Variants in PCDH11Y observed in about 807,000 individuals in gnomAD.
The protein encoded by PCDH11Y is protocadherin 11 Y-linked.
For synonymous variants in PCDH11Y, 9 were observed against 83.6 expected, an observed-to-expected ratio of 0.11 and a Z score of 4.87; for missense variants, 12 against 224.8, an observed-to-expected ratio of 0.05 and a Z score of 6.05.
intron 3 of PCDH11Y, among the ~76,000 whole-genome samples, chrY:5,555,691 G>A: frequency 3.1e-5 from 1 of 32,565 alleles, no homozygotes; most frequent in African/African-American, 1.2e-4. Context: ...TGATTGTGAG[G>A]CTTCCCCAGC....
At chrY:5,253,893 G>A (rs2053007000) in intron 2 of PCDH11Y, among the ~76,000 whole-genome samples, 27 of 33,100 alleles carry the variant, frequency 8.2e-4, no homozygotes, top group African/African-American at 3.2e-3. Flanking sequence ...TTATATGCTC[G>A]AATCCTTCTC....
intron 2 of PCDH11Y, among the ~76,000 whole-genome samples, chrY:5,357,981 G>C: frequency 3.0e-5 from 1 of 33,235 alleles, no homozygotes; most frequent in Non-Finnish European, 7.4e-5. Context: ...TTGTTGCCCA[G>C]GCTGGAGTGC....
At chrY:5,577,061 AT>A (rs2053446881) in intron 3 of PCDH11Y, among the ~76,000 whole-genome samples, 1 of 33,056 alleles carries the variant, frequency 3.0e-5, no homozygotes, top group Non-Finnish European at 7.5e-5. Context: ...TCTTGATGTC[AT>A]TCTTCATGTG....
At chrY:5,446,845 A>G in intron 2 of PCDH11Y, among the ~76,000 whole-genome samples, 1 of 33,554 alleles carries the variant, frequency 3.0e-5, no homozygotes, top group Admixed American at 2.7e-4. Context: ...TGACCAATCA[A>G]TCTTGAAATG....
intron 4 of PCDH11Y, among the ~76,000 whole-genome samples, chrY:5,603,029 T>C: frequency 3.8e-5 from 1 of 26,050 alleles, no homozygotes; most frequent in African/African-American, 1.5e-4. Flanking sequence ...TATAATTATA[T>C]AATAATAATA....
chrY:5,447,381 A>C (rs2053288556), intron 2 of PCDH11Y, among the ~76,000 whole-genome samples: 3 of 30,986 alleles, frequency 9.7e-5, no homozygotes, highest in Non-Finnish European at 2.3e-4. Context: ...GTTGTTGTGA[A>C]GTTTAAATGG....
chrY:5,228,373 C>A, intron 2 of PCDH11Y, among the ~76,000 whole-genome samples: 2 of 31,303 alleles, frequency 6.4e-5, no homozygotes, highest in African/African-American at 1.2e-4. Flanking sequence ...TTTTAAAAAA[C>A]CAGCATTTTT....
chrY:5,581,024 G>T (rs2053450547), intron 3 of PCDH11Y, among the ~76,000 whole-genome samples: 1 of 32,113 alleles, frequency 3.1e-5, no homozygotes, highest in Non-Finnish European at 7.7e-5. Flanking sequence ...TACATATTTG[G>T]GTGTTTATAA....
upstream of PCDH11Y, among the ~76,000 whole-genome samples, chrY:5,055,745 A>C: frequency 3.1e-5 from 1 of 32,764 alleles, no homozygotes; most frequent in Non-Finnish European, 7.6e-5. Context: ...TCCCTCATTG[A>C]ATTTTGTCAG....
intron 2 of PCDH11Y, among the ~76,000 whole-genome samples, chrY:5,144,567 G>C: frequency 3.0e-5 from 1 of 33,207 alleles, no homozygotes; most frequent in African/African-American, 1.2e-4. Context: ...AGCTTCCAAT[G>C]ATGGTTCATC....
At chrY:5,692,146 T>A in intron 4 of PCDH11Y, among the ~76,000 whole-genome samples, 1 of 33,286 alleles carries the variant, frequency 3.0e-5, no homozygotes, top group African/African-American at 1.2e-4. Context: ...TCAGAAAAGA[T>A]CTGAATGCAA....
chrY:5,417,665 A>G, intron 2 of PCDH11Y, among the ~76,000 whole-genome samples: 1 of 32,421 alleles, frequency 3.1e-5, no homozygotes, highest in Non-Finnish European at 7.6e-5. Flanking sequence ...TCAAGAAGGA[A>G]AGTATGGTCA....
intron 4 of PCDH11Y, among the ~76,000 whole-genome samples, chrY:5,642,553 C>G: frequency 1.2e-4 from 4 of 33,510 alleles, no homozygotes; most frequent in African/African-American, 4.7e-4. Context: ...TATTAAATTG[C>G]TCCACAAATG....
intron 1 of PCDH11Y, among the ~76,000 whole-genome samples, chrY:5,024,693 C>T: frequency 3.1e-5 from 1 of 32,579 alleles, no homozygotes; most frequent in Non-Finnish European, 7.6e-5. Flanking sequence ...TAGAAACATA[C>T]GGAATGAAGC....
intron 2 of PCDH11Y, among the ~76,000 whole-genome samples, chrY:5,185,461 T>C: frequency 6.1e-5 from 2 of 32,969 alleles, no homozygotes; most frequent in Non-Finnish European, 1.5e-4. Context: ...TTTGAGGGTC[T>C]TGCTATCCAG....
At chrY:5,426,104 T>C in intron 2 of PCDH11Y, among the ~76,000 whole-genome samples, 2 of 33,355 alleles carry the variant, frequency 6.0e-5, no homozygotes, top group East Asian at 1.5e-3. Flanking sequence ...AAATGGAATA[T>C]ATGATAAGGA....
intron 2 of PCDH11Y, among the ~76,000 whole-genome samples, chrY:5,408,356 T>C: frequency 2.9e-5 from 1 of 34,234 alleles, no homozygotes; most frequent in Non-Finnish European, 7.3e-5. Flanking sequence ...CTACCTGTAC[T>C]AACTTTGCAA....
intron 2 of PCDH11Y, among the ~76,000 whole-genome samples, chrY:5,333,891 CA>C (rs2053133739): frequency 3.5e-5 from 1 of 28,273 alleles, no homozygotes; most frequent in Non-Finnish European, 8.5e-5. Context: ...GATTCCATCT[CA>C]AAAAAAAAAC....
At chrY:5,616,282 A>G in intron 4 of PCDH11Y, among the ~76,000 whole-genome samples, 1 of 33,784 alleles carries the variant, frequency 3.0e-5, no homozygotes, top group Non-Finnish European at 7.3e-5. Context: ...AAGAGGCTTC[A>G]GTATGGCACT....
Sources: allele counts gnomAD v4.1 joint callset (sites outside exome capture counted in the v4.1 genomes callset), GRCh38; gene constraint gnomAD v4.1.1; transcripts MANE v1.5; gene names NCBI Gene and HGNC (gene_info 2026-07-23, HGNC 2026-07-21).